Variants in PTAR1 observed in about 807,000 individuals in gnomAD.
The protein encoded by PTAR1 is protein prenyltransferase alpha subunit repeat-containing protein 1.
PTAR1 carries 17 observed loss-of-function variants against 45.5 expected under a neutral mutation model. That is an observed-to-expected ratio of 0.37 (90% CI 0.26 to 0.56). The LOEUF (loss-of-function observed/expected upper bound fraction) is 0.56, where lower values mean the gene tolerates loss of function less well. Ranked by LOEUF, PTAR1 falls within the 20% of genes least tolerant of loss-of-function variation. The pLI, the probability that PTAR1 is intolerant of heterozygous loss-of-function variation, is 0.77. For missense variants in PTAR1, 391 were observed against 476.3 expected (o/e 0.82, Z 1.67); for synonymous variants, 169 against 171.3 (o/e 0.99, Z 0.11).
At chr9:69,725,148 G>T (rs1166902178) in intron 5 of PTAR1, among the ~76,000 whole-genome samples, 2 of 151,956 alleles carry the variant, frequency 1.3e-5, no homozygotes, top group African/African-American at 4.8e-5. Flanking sequence ...TTTTGGCATG[G>T]CTTCTTAACA....
chr9:69,736,539 A>T (rs2134123302), intron 3 of PTAR1, among the ~76,000 whole-genome samples: 1 of 152,174 alleles, frequency 6.6e-6, no homozygotes, highest in East Asian at 1.9e-4. Context: ...CCTGGCAATA[A>T]TGATGCCCAT....
At chr9:69,738,164 G>C (rs889784923) in intron 3 of PTAR1, among the ~76,000 whole-genome samples, 2 of 152,122 alleles carry the variant, frequency 1.3e-5, no homozygotes, top group African/African-American at 2.4e-5. Context: ...ATATGGGTCA[G>C]GTATTTTGTA....
intron 2 of PTAR1, among the ~76,000 whole-genome samples, chr9:69,742,285 A>G (rs1192435399): frequency 1.3e-5 from 2 of 152,108 alleles, no homozygotes; most frequent in Admixed American, 6.5e-5. Flanking sequence ...CCCACTTAAC[A>G]TAATTCATTT....
chr9:69,753,020 C>A (rs1323871285), intron 1 of PTAR1, among the ~76,000 whole-genome samples: 1 of 152,006 alleles, frequency 6.6e-6, no homozygotes, highest in Non-Finnish European at 1.5e-5. Flanking sequence ...AAATTCTGTT[C>A]TCTGAGATAT....
intron 3 of PTAR1, among the ~76,000 whole-genome samples, chr9:69,737,412 C>G (rs1040583839): frequency 1.3e-5 from 2 of 152,076 alleles, no homozygotes; most frequent in Non-Finnish European, 2.9e-5. Context: ...ATCAACTGCT[C>G]TAATGTATTC....
rs1460772773 is a variant in PTAR1 at position 69,713,476 on chromosome 9, C to T, written c.*4866G>A. 1 of 151,392 alleles carries T rather than the reference C, an allele frequency of 6.6e-6. No homozygotes were observed. Among genetic ancestry groups the T allele is most frequent in the Admixed American group, 6.6e-5 (1 of 15,132 alleles). 9.4% of individuals were successfully genotyped at this position (151,392 alleles called of 1,614,324 possible). A position where few individuals can be genotyped will look rare whatever the true frequency, so the allele number is the denominator to read the frequency against. The stretch of plus-strand genomic sequence containing the variant: ...TTCCTATCCCTCCCTTCTCCATATA[C>T]AAACAGATAAAATGATACATTTAAA... On this transcript the variant is annotated 3_prime_UTR_variant, in exon 8 of 8. Coordinates refer to ENST00000340434, the MANE Select transcript of PTAR1 (RefSeq NM_001099666.2).
intron 1 of PTAR1, among the ~76,000 whole-genome samples, chr9:69,759,144 C>A (rs1332120509): frequency 6.6e-6 from 1 of 152,080 alleles, no homozygotes; most frequent in Non-Finnish European, 1.5e-5. Flanking sequence ...CTGCAGTGTC[C>A]CGTTAAAGAG....
At position 69,713,795 on chromosome 9, in the gene PTAR1, T is replaced by C. The variant is rs1824615529; in HGVS notation, c.*4547A>G. 6.6e-6 allele frequency: 1 copy of C among 152,054 alleles called. No homozygotes were observed. Among genetic ancestry groups the C allele is most frequent in the African/African-American group, 2.4e-5 (1 of 41,402 alleles). The allele number at this position is 152,054 out of a possible 1,614,324, so 9.4% of individuals were successfully genotyped here. A position where few individuals can be genotyped will look rare whatever the true frequency, so the allele number is the denominator to read the frequency against. ...CCAGAAAGAAAGAACTAAATCTTGG[T>C]AGGGTGCTTAAAATGATAACTAATG... On this transcript the variant is annotated 3_prime_UTR_variant, in exon 8 of 8. Transcript: ENST00000340434.
chr9:69,754,079 AAACATAGGTAGGTCAGTAAG>A (rs1327917839), intron 1 of PTAR1, among the ~76,000 whole-genome samples: 1 of 152,158 alleles, frequency 6.6e-6, no homozygotes, highest in Non-Finnish European at 1.5e-5. Context: ...CATACTTTGT[AAACATAGGTAGGTCAGTAAG>A]CTTCCAAATA....
chr9:69,745,069 A>G (rs961542051), intron 2 of PTAR1, among the ~76,000 whole-genome samples: 2 of 152,218 alleles, frequency 1.3e-5, no homozygotes, highest in African/African-American at 2.4e-5. Flanking sequence ...TGGTGTTGTG[A>G]GCAATGAAAT....
intron 2 of PTAR1, among the ~76,000 whole-genome samples, chr9:69,747,470 T>C (rs1278229939): frequency 2.0e-5 from 3 of 152,228 alleles, no homozygotes; most frequent in Non-Finnish European, 4.4e-5. Flanking sequence ...GGAAGAATGC[T>C]GCTTGTGGCT....
In PTAR1 at chr9:69,711,057, A is replaced by G. The variant is rs1244722937; in HGVS notation, c.*7285T>C. The G allele has an allele frequency of 6.6e-6, 1 of 152,162 alleles. No individual in the cohort carries two copies. Among genetic ancestry groups the G allele is most frequent in the East Asian group, 1.9e-4 (1 of 5,200 alleles). The allele number at this position is 152,162 out of a possible 1,614,324, so 9.4% of individuals were successfully genotyped here. On this transcript the variant is annotated 3_prime_UTR_variant, in exon 8 of 8. Coordinates refer to ENST00000340434, the MANE Select transcript of PTAR1 (RefSeq NM_001099666.2). ...AAAAAAATTAGACGCTATTAAAATC[A>G]TAACTGGCCTTTTTTTTTCTCCCTC... is the stretch of plus-strand genomic sequence containing the variant.
intron 6 of PTAR1, among the ~76,000 whole-genome samples, chr9:69,720,745 C>G (rs551138244): frequency 3.9e-5 from 6 of 152,182 alleles, no homozygotes; most frequent in Non-Finnish European, 8.8e-5. Context: ...GGCTCATTTA[C>G]CATTCCAATA....
chr9:69,739,931 A>AT, intron 3 of PTAR1, among the ~76,000 whole-genome samples: 1 of 152,182 alleles, frequency 6.6e-6, no homozygotes, highest in Non-Finnish European at 1.5e-5. Flanking sequence ...AGATTTATGG[A>AT]GCAACTTCCC....
intron 4 of PTAR1, among the ~76,000 whole-genome samples, chr9:69,732,600 T>C (rs1380176712): frequency 7.9e-5 from 12 of 151,916 alleles, no homozygotes; most frequent in Non-Finnish European, 4.4e-5. Flanking sequence ...AAATCTGTAA[T>C]ACAGAGAATG....
chr9:69,743,683 A>T (rs1240802593), intron 2 of PTAR1, among the ~76,000 whole-genome samples: 1 of 152,186 alleles, frequency 6.6e-6, no homozygotes, highest in Non-Finnish European at 1.5e-5. Flanking sequence ...TATCAAGAAA[A>T]ATAAATATAA....
chr9:69,740,389 T>A (rs1025464396), intron 3 of PTAR1, among the ~76,000 whole-genome samples: 7 of 152,006 alleles, frequency 4.6e-5, no homozygotes, highest in African/African-American at 1.7e-4. Flanking sequence ...ATAACACGTG[T>A]GTATACACAT....
At chr9:69,731,989 G>C (rs1285123376) in intron 5 of PTAR1, 150 bp downstream of exon 5, 1 of 615,754 alleles carries the variant, frequency 1.6e-6, no homozygotes, top group African/African-American at 1.9e-5. Flanking sequence ...TAATTACAGG[G>C]TTCCTCCAGA....
chr9:69,742,463 T>A (rs1470704314), intron 2 of PTAR1, among the ~76,000 whole-genome samples: 1 of 152,142 alleles, frequency 6.6e-6, no homozygotes, highest in Non-Finnish European at 1.5e-5. Flanking sequence ...CCCTTAGTCC[T>A]ATATACCATC....
Sources: gnomAD v4.1 joint callset for allele counts (sites outside exome capture counted in the v4.1 genomes callset) on GRCh38, gnomAD v4.1.1 for gene constraint, MANE v1.5 for transcripts, NCBI Gene and HGNC (gene_info 2026-07-23, HGNC 2026-07-21) for gene names.